Variants in DLC1 observed in about 807,000 individuals in gnomAD.
DLC1 encodes rho GTPase-activating protein 7.
In DLC1, 54 loss-of-function variants were observed where a neutral mutation model predicts 140.3. The observed-to-expected ratio is 0.38, with a 90% CI of 0.31 to 0.48. The LOEUF is 0.48. DLC1 is among the 20% of genes least tolerant of loss of function. The probability of loss-of-function intolerance (pLI) is 0.96; values close to 1 mark genes in which losing one functional copy is unlikely to be tolerated. For synonymous variants in DLC1, 986 were observed against 728.1 expected (o/e 1.35, Z -5.70); for missense variants, 2,536 against 1,907.0 (o/e 1.33, Z -6.14).
chr8:13,519,155 T>A (rs7006242), upstream of DLC1, among the ~76,000 whole-genome samples: 108,989 of 135,926 alleles, frequency 0.8, 45,189 homozygotes, highest in Non-Finnish European at 0.93. Flanking sequence ...CCAGATGTAG[T>A]CTCACTCTGT....
Position 13,500,051 on chromosome 8 carries a change from C to T in DLC1, c.21G>A (p.Lys7=). 6.2e-7 allele frequency: 1 copy of T among 1,613,846 alleles called. No individual in the cohort carries two copies. Among genetic ancestry groups the T allele is most frequent in the Non-Finnish European group, 8.5e-7 (1 of 1,179,818 alleles). The part of the protein sequence containing the change: MSVAIR[K]RSWEEHVTHW... ...GGGTCACATGTTCTTCCCAGCTTCT[C>T]TTTCTGATAGCTACAGACATGTCAT... The change falls in exon 2 of 18, where the codon AAG becomes AAA. Residue 7 remains lysine (K), a synonymous_variant. Transcript: ENST00000276297.
chr8:13,483,060 T>G (rs913472639), intron 2 of DLC1, among the ~76,000 whole-genome samples: 6 of 152,156 alleles, frequency 3.9e-5, no homozygotes, highest in Non-Finnish European at 7.4e-5. Context: ...CTCAGAAGGC[T>G]CTAGGGCAGA....
At chr8:13,297,140 T>G (rs1460652090) in intron 5 of DLC1, among the ~76,000 whole-genome samples, 2 of 151,358 alleles carry the variant, frequency 1.3e-5, no homozygotes, top group Non-Finnish European at 2.9e-5. Flanking sequence ...CTAATGTGTT[T>G]TCTTTCAACA....
intron 4 of DLC1, among the ~76,000 whole-genome samples, chr8:13,388,642 A>C (rs931650802): frequency 6.6e-6 from 1 of 152,056 alleles, no homozygotes; most frequent in African/African-American, 2.4e-5. Flanking sequence ...TTCAGAAAAT[A>C]ATATCACATG....
chr8:13,173,113 C>A (rs1199445856), intron 5 of DLC1, among the ~76,000 whole-genome samples: 1 of 152,080 alleles, frequency 6.6e-6, no homozygotes, highest in Non-Finnish European at 1.5e-5. Context: ...TTGAAAGATG[C>A]TTTATGGAAT....
intron 6 of DLC1, among the ~76,000 whole-genome samples, chr8:13,111,196 G>A (rs1820081023): frequency 6.6e-6 from 1 of 152,184 alleles, no homozygotes; most frequent in Non-Finnish European, 1.5e-5. Context: ...CTGTGTGTAT[G>A]TGTGTGTGTC....
At chr8:13,131,898 C>T (rs2128963373) in intron 5 of DLC1, among the ~76,000 whole-genome samples, 1 of 152,232 alleles carries the variant, frequency 6.6e-6, no homozygotes, top group Admixed American at 6.5e-5. Context: ...CGCTGAAGGA[C>T]GCTCGCGGAC....
At chr8:13,502,575 G>C (rs1028264356) in intron 1 of DLC1, among the ~76,000 whole-genome samples, 4 of 152,094 alleles carry the variant, frequency 2.6e-5, no homozygotes, top group Non-Finnish European at 5.9e-5. Context: ...AGGAGCATTA[G>C]ATTATTGTCA....
Position 13,100,284 on chromosome 8 carries a change from T to A in DLC1, c.2053A>T (p.Lys685Ter), listed in dbSNP as rs1476222470. The change falls in exon 9 of 18, where the codon AAA becomes TAA. Residue 685 changes from lysine to a stop codon, truncating the protein, a stop_gained. Coordinates refer to ENST00000276297, the MANE Select transcript of DLC1 (RefSeq NM_182643.3). LOFTEE classifies it high-confidence loss of function. ...KLKSSHHSKHKAPSKLGLIIS... is the reference protein window; with the variant it reads ...KLKSSHHSKH ...ATCAACCCCAGCTTTGAGGGCGCTT[T>A]GTGCTTGCTGTGATGGGAGCTCTTG... 1 of 1,614,044 alleles carries A rather than the reference T, an allele frequency of 6.2e-7. No individual in the cohort carries two copies. The highest frequency in any genetic ancestry group is 1.1e-5 in the South Asian group (1 of 91,094).
intron 1 of DLC1, among the ~76,000 whole-genome samples, chr8:13,588,930 C>A (rs1325210929): frequency 6.6e-6 from 1 of 151,946 alleles, no homozygotes; most frequent in Non-Finnish European, 1.5e-5. Flanking sequence ...GCTACATTAC[C>A]CCAAGGCAGT....
chr8:13,364,308 T>C (rs1324510222), intron 4 of DLC1, among the ~76,000 whole-genome samples: 1 of 152,038 alleles, frequency 6.6e-6, no homozygotes, highest in Non-Finnish European at 1.5e-5. Flanking sequence ...AACTTTTTTT[T>C]TTTTTTTTTA....
intron 5 of DLC1, among the ~76,000 whole-genome samples, chr8:13,118,956 C>T (rs771477642): frequency 5.9e-5 from 9 of 152,196 alleles, no homozygotes; most frequent in East Asian, 1.9e-4. Context: ...TAGCTCTGTG[C>T]GGTGACTCAC....
At chr8:13,418,607 G>C (rs1838178408) in intron 2 of DLC1, among the ~76,000 whole-genome samples, 1 of 152,076 alleles carries the variant, frequency 6.6e-6, no homozygotes, top group African/African-American at 2.4e-5. Context: ...ATGCTGTTTT[G>C]GTTACTGTAG....
intron 3 of DLC1, among the ~76,000 whole-genome samples, chr8:13,397,964 C>T (rs1016534464): frequency 2.6e-5 from 4 of 151,940 alleles, no homozygotes; most frequent in African/African-American, 7.3e-5. Context: ...AACCCTGTCT[C>T]TACTGAAAAT....
chr8:13,160,249 C>T (rs910692410), intron 5 of DLC1: 1 of 152,202 alleles, frequency 6.6e-6, no homozygotes, highest in African/African-American at 2.4e-5. Context: ...GTTCCTTCTC[C>T]ACGCCCGCTG....
intron 2 of DLC1, among the ~76,000 whole-genome samples, chr8:13,412,346 C>G (rs972068386): frequency 2.0e-5 from 3 of 152,182 alleles, no homozygotes; most frequent in African/African-American, 7.2e-5. Flanking sequence ...TTGGGAGTCT[C>G]TATCGAAATT....
At chr8:13,215,017 AT>A (rs1339879513) in intron 5 of DLC1, among the ~76,000 whole-genome samples, 2 of 152,118 alleles carry the variant, frequency 1.3e-5, no homozygotes, top group Non-Finnish European at 2.9e-5. Flanking sequence ...TCATTTGTTC[AT>A]TTATTCATTC....
upstream of DLC1, among the ~76,000 whole-genome samples, chr8:13,517,259 C>G (rs1361241645): frequency 6.6e-6 from 1 of 152,070 alleles, no homozygotes; most frequent in Non-Finnish European, 1.5e-5. Flanking sequence ...TAATTCTTAG[C>G]TACATTTTAT....
intron 2 of DLC1, among the ~76,000 whole-genome samples, chr8:13,489,680 C>T (rs766961510): frequency 3.9e-5 from 6 of 152,048 alleles, no homozygotes; most frequent in Non-Finnish European, 8.8e-5. Context: ...AGTTTGGCTT[C>T]AGAGGCTGTT....
Sources: gnomAD v4.1 joint callset for allele counts (sites outside exome capture counted in the v4.1 genomes callset) on GRCh38, gnomAD v4.1.1 for gene constraint, MANE v1.5 for transcripts, NCBI Gene and HGNC (gene_info 2026-07-23, HGNC 2026-07-21) for gene names.